The following LRRC37B variants were observed in gnomAD, a reference collection of about 807,000 sequenced individuals.
LRRC37B encodes leucine rich repeat containing 37B, also known as leucine-rich repeat-containing protein 37B.
Under a neutral mutation model 98.3 loss-of-function variants are expected in LRRC37B, and 28 were observed. The ratio of observed to expected loss-of-function variants is 0.28; its 90% CI spans 0.21 to 0.39. The LOEUF is 0.39. LRRC37B is among the 10% of genes least tolerant of loss of function. The pLI is 1.00. For missense variants in LRRC37B, 938 were observed against 1,182.7 expected, an observed-to-expected ratio of 0.79 and a Z score of 3.03; for synonymous variants, 364 against 442.7, an observed-to-expected ratio of 0.82 and a Z score of 2.23.
intron 7 of LRRC37B, chr17:32,040,690 T>C (rs2957886): frequency 2.9e-4 from 224 of 775,896 alleles, no homozygotes; most frequent in South Asian, 1.6e-3. Context: ...TACCCGCAGT[T>C]GGAGGGGCTC....
chr17:32,011,618 C>T (rs1910528235), intron 1 of LRRC37B, among the ~76,000 whole-genome samples: 1 of 152,148 alleles, frequency 6.6e-6, no homozygotes, highest in Non-Finnish European at 1.5e-5. Context: ...GTGCCTCAGC[C>T]TCCCGAGTAG....
chr17:32,014,774 G>A (rs1453544250), intron 1 of LRRC37B, among the ~76,000 whole-genome samples: 1 of 152,166 alleles, frequency 6.6e-6, no homozygotes, highest in Non-Finnish European at 1.5e-5. Context: ...GCTATTTTAT[G>A]GAGCTGATCT....
At chr17:32,009,690 T>TG (rs1910485641) in intron 1 of LRRC37B, among the ~76,000 whole-genome samples, 1 of 152,176 alleles carries the variant, frequency 6.6e-6, no homozygotes, top group Non-Finnish European at 1.5e-5. Context: ...TGGAGTGCAG[T>TG]GGCATGATCT....
At chr17:32,023,018 T>C (rs1159623786) in intron 1 of LRRC37B, among the ~76,000 whole-genome samples, 193 bp downstream of exon 4, 1 of 152,216 alleles carries the variant, frequency 6.6e-6, no homozygotes, top group Admixed American at 6.5e-5. Context: ...GTCTTTTACT[T>C]TTTCTCCAGT....
At chr17:32,046,120 G>GC (rs1911571195) in intron 8 of LRRC37B, among the ~76,000 whole-genome samples, 1 of 152,198 alleles carries the variant, frequency 6.6e-6, no homozygotes, top group Admixed American at 6.5e-5. Flanking sequence ...TTGGTGCTTT[G>GC]CCCCCAGTGA....
intron 7 of LRRC37B, chr17:32,040,775 C>T (rs1911403019): frequency 4.8e-6 from 4 of 839,528 alleles, no homozygotes; most frequent in Admixed American, 3.5e-5. Context: ...TGCTGGATGC[C>T]GGCGAGTCCA....
intron 5 of LRRC37B, among the ~76,000 whole-genome samples, chr17:32,034,701 C>T (rs2142251191): frequency 6.6e-6 from 1 of 151,376 alleles, no homozygotes; most frequent in African/African-American, 2.4e-5. Context: ...CTATTTCTTC[C>T]CTGCTTTCTC....
chr17:32,030,756 T>G (rs1911088092), intron 4 of LRRC37B, 29 bp downstream of exon 7: 3 of 1,247,428 alleles, frequency 2.4e-6, no homozygotes, highest in Non-Finnish European at 1.1e-6. Context: ...TTTATTACAT[T>G]TGGAATTTTT....
At chr17:32,022,224 A>T in exon 1 of LRRC37B, 1 of 1,613,192 alleles carries the variant, frequency 6.2e-7, no homozygotes, top group Non-Finnish European at 8.5e-7. Flanking sequence ...TAAAAATGAG[A>T]CAGAATCTAC....
intron 7 of LRRC37B, chr17:32,040,468 A>G (rs1381065341): frequency 1.6e-6 from 1 of 621,058 alleles, no homozygotes; most frequent in South Asian, 1.6e-5. Flanking sequence ...GCAGTTCTAC[A>G]AGGCAAGCCA....
At chr17:32,010,265 G>A (rs144382041) in intron 1 of LRRC37B, among the ~76,000 whole-genome samples, 1,663 of 152,316 alleles carry the variant, frequency 0.011, 21 homozygotes, top group Non-Finnish European at 0.016. Flanking sequence ...GAAAGCAGTC[G>A]TAGACAATAT....
rs144030936 is a variant in LRRC37B at position 32,021,562 on chromosome 17, A to G, written c.497A>G (p.Asn166Ser). ...CTCCCAGAGGTGGTTCCGCTTCTCA[A>G]CCGGGATCAGAACCAGGCCCTAGTT... Residue 166 changes from asparagine (N) to serine (S), a missense_variant, in exon 1 of 12, where the codon AAC becomes AGC. Physicochemically the swap from Asn to Ser is conservative, Grantham distance 46. This residue lies in a region of LRRC37B where 610 missense variants were observed against 625.6 expected (regional missense o/e 0.98). Transcript: ENST00000327564. The G allele has an allele frequency of 7.1e-5, 115 of 1,614,126 alleles. No individual in the cohort carries two copies. The highest frequency in any genetic ancestry group is 1.7e-4 in the Middle Eastern group (1 of 5,976).
At chr17:32,020,947 C>T (rs559558543), upstream of LRRC37B, 77 of 1,447,974 alleles carry the variant, frequency 5.3e-5, no homozygotes, top group South Asian at 7.8e-4. Flanking sequence ...TCCGGCCTGG[C>T]GGGGTGGGAA....
upstream of LRRC37B, among the ~76,000 whole-genome samples, chr17:32,007,703 C>T (rs939903658): frequency 6.6e-6 from 1 of 151,436 alleles, no homozygotes; most frequent in Admixed American, 6.6e-5. The surrounding 1 kb of genome is among the most constrained non-coding windows in gnomAD (Gnocchi z 4.1). Flanking sequence ...CACGTCCGGA[C>T]CCATCGGGGG....
At chr17:32,011,260 G>T (rs1910519652) in intron 1 of LRRC37B, among the ~76,000 whole-genome samples, 2 of 152,156 alleles carry the variant, frequency 1.3e-5, no homozygotes, top group East Asian at 1.9e-4. Flanking sequence ...CTCCCAAAGT[G>T]CTGGGATTAC....
chr17:32,032,052 G>A (rs1911125888), intron 5 of LRRC37B, among the ~76,000 whole-genome samples: 1 of 152,156 alleles, frequency 6.6e-6, no homozygotes, highest in African/African-American at 2.4e-5. Flanking sequence ...AGGATCACTT[G>A]AGGTCAGGAG....
At position 32,048,908 on chromosome 17, in the gene LRRC37B, A is replaced by G; in HGVS notation, c.2465-194A>G. 5 of 1,476,610 alleles carry G rather than the reference A, an allele frequency of 3.4e-6. 1 individual carries two copies. In the Admixed American group the frequency reaches 5.2e-5, roughly 15 times the overall value. The allele number at this position is 1,476,610 out of a possible 1,614,324, so 91.5% of individuals were successfully genotyped here. The stretch of plus-strand genomic sequence containing the variant: ...AGACACAACTAATGTAAAAGACACA[A>G]AAGAGATGTGTTCAAAGACACATCT... On this transcript the variant is annotated intron_variant, in intron 9 of 11. Coordinates refer to ENST00000327564, the Ensembl canonical transcript of LRRC37B.
chr17:32,032,108 C>T (rs1265038453), intron 5 of LRRC37B, among the ~76,000 whole-genome samples: 1,187 of 145,978 alleles, frequency 8.1e-3, no homozygotes, highest in African/African-American at 0.026. Flanking sequence ...TCTCTACTAA[C>T]GATACAAAAA....
rs575294420 is a variant in LRRC37B at position 32,031,580 on chromosome 17, G to A, written c.2057+122G>A. 2.6e-4 allele frequency: 324 copies of A among 1,263,658 alleles called. No homozygotes were observed. The African/African-American group carries it at 3.8e-3, about 15-fold the overall frequency. The allele number at this position is 1,263,658 out of a possible 1,614,324, so 78.3% of individuals were successfully genotyped here. A position where few individuals can be genotyped will look rare whatever the true frequency, so the allele number is the denominator to read the frequency against. On this transcript the variant is annotated intron_variant, in intron 5 of 11. Transcript: ENST00000327564. ...GAAAAGTGTGTCTTAAGATCCATTCGTTTTTCTCAAATGGGGAAACTAAGG... is the reference window on the plus strand; with the variant it reads ...GAAAAGTGTGTCTTAAGATCCATTCATTTTTCTCAAATGGGGAAACTAAGG...
Sources: gnomAD v4.1 joint callset for allele counts (sites outside exome capture counted in the v4.1 genomes callset) on GRCh38, gnomAD v4.1.1 for gene constraint, gnomAD v4.1.1 regional missense constraint, Gnocchi (gnomAD v3.1) non-coding constraint, MANE v1.5 for transcripts, NCBI Gene and HGNC (gene_info 2026-07-23, HGNC 2026-07-21) for gene names.